Variants in RASGRP3 observed in about 807,000 individuals in gnomAD.
RASGRP3 encodes RAS guanyl releasing protein 3.
In RASGRP3, 54 loss-of-function variants were observed where a neutral mutation model predicts 82.7. That is an observed-to-expected ratio of 0.65 (90% CI 0.52 to 0.82). The LOEUF is 0.82. Among genes scored for constraint, RASGRP3 ranks in the 40% least tolerant of loss-of-function variants. RASGRP3 has a pLI of 0.00. For synonymous variants in RASGRP3, 309 were observed against 300.5 expected (o/e 1.03, Z -0.29); for missense variants, 861 against 828.9 (o/e 1.04, Z -0.48).
At chr2:33,506,415 T>C (rs1323420312) in intron 1 of RASGRP3, among the ~76,000 whole-genome samples, 1 of 152,230 alleles carries the variant, frequency 6.6e-6, no homozygotes, top group Non-Finnish European at 1.5e-5. Context: ...CTCAATTTCC[T>C]TATCCATGAA....
chr2:33,436,851 A>C (rs1664949525), intron 1 of RASGRP3, among the ~76,000 whole-genome samples: 1 of 152,200 alleles, frequency 6.6e-6, no homozygotes, highest in African/African-American at 2.4e-5. Flanking sequence ...TCAGGGGTTT[A>C]GATAGTATAA....
In RASGRP3 at chr2:33,524,294, A is replaced by G. The variant is rs187598793; in HGVS notation, c.691-138A>G. 149 of 725,618 alleles carry G rather than the reference A, an allele frequency of 2.1e-4. No individual in the cohort carries two copies. The African/African-American group carries it at 2.4e-3, about 12-fold the overall frequency. The allele number at this position is 725,618 out of a possible 1,614,324, so 44.9% of individuals were successfully genotyped here. A position where few individuals can be genotyped will look rare whatever the true frequency, so the allele number is the denominator to read the frequency against. ...ATAATAGATATATTTCTCTGATTCT[A>G]TTTGTGCTTCATTTTAAATTGATGT... On this transcript the variant is annotated intron_variant, in intron 8 of 17. Transcript: ENST00000403687.
chr2:33,559,761 T>C (rs1240202446), intron 17 of RASGRP3: 2 of 415,290 alleles, frequency 4.8e-6, no homozygotes, highest in Non-Finnish European at 9.7e-6. Context: ...TGTCGAATTG[T>C]TCTCATAAAC....
At chr2:33,520,334 A>G (rs1204167724) in intron 5 of RASGRP3, among the ~76,000 whole-genome samples, 1 of 152,142 alleles carries the variant, frequency 6.6e-6, no homozygotes, top group African/African-American at 2.4e-5. Context: ...TCTCAACTGA[A>G]AGAGAGGCTA....
Position 33,527,173 on chromosome 2 carries a change from G to T in RASGRP3, c.844G>T (p.Gly282Cys). 5 of 1,613,978 alleles carry T rather than the reference G, an allele frequency of 3.1e-6. No individual in the cohort carries two copies. Among genetic ancestry groups the T allele is most frequent in the Non-Finnish European group, 4.2e-6 (5 of 1,179,894 alleles). ...NEMTELVSSN[G>C]NYCNYRKAFA... is the part of the protein sequence containing the mutation. ...AATGACAGAGTTGGTCTCCTCCAAC[G>T]GCAATTACTGCAATTACCGCAAGGC... The change falls in exon 10 of 18, where the codon GGC becomes TGC. Residue 282 changes from glycine (G) to cysteine (C), a missense_variant. Gly to Cys is a radical substitution (Grantham distance 159). Transcript: ENST00000403687.
intron 7 of RASGRP3, 59 bp from the exon 8 acceptor site, chr2:33,523,820 A>G: frequency 7.0e-7 from 1 of 1,438,470 alleles, no homozygotes; most frequent in Non-Finnish European, 9.4e-7. Flanking sequence ...CAATATTCTA[A>G]TTTTTGATTT....
rs116809961 is a variant in RASGRP3, at chr2:33,526,220, A to G, written c.808-917A>G. On this transcript the variant is annotated intron_variant, in intron 9 of 17. Coordinates refer to ENST00000403687, the MANE Select transcript of RASGRP3 (RefSeq NM_001139488.2). Reference sequence around the variant, plus strand: ...CTAGAAGGATGCAATTACTCTGATGATAAATCAAAACCCATTCCTGGTTCT... The same window carrying G: ...CTAGAAGGATGCAATTACTCTGATGGTAAATCAAAACCCATTCCTGGTTCT... Among the ~76,000 whole-genome samples, 1,515 of 152,342 alleles carry G rather than the reference A, an allele frequency of 9.9e-3. 5 individuals are homozygous for G. Among genetic ancestry groups the G allele is most frequent in the Middle Eastern group, 0.017 (5 of 294 alleles).
At chr2:33,508,579 G>C (rs1226581278) in intron 1 of RASGRP3, among the ~76,000 whole-genome samples, 1 of 152,174 alleles carries the variant, frequency 6.6e-6, no homozygotes, top group Admixed American at 6.5e-5. Flanking sequence ...GGAAGTTTCT[G>C]TCTGGCAACT....
chr2:33,521,235 C>G (rs566025885), intron 6 of RASGRP3, among the ~76,000 whole-genome samples: 6 of 152,270 alleles, frequency 3.9e-5, no homozygotes, highest in African/African-American at 1.4e-4. Context: ...ATAGATGTGC[C>G]AGGAGCTGGT....
chr2:33,487,071 T>C (rs1460400049), intron 1 of RASGRP3, among the ~76,000 whole-genome samples: 2 of 152,220 alleles, frequency 1.3e-5, no homozygotes, highest in Non-Finnish European at 2.9e-5. Flanking sequence ...TCCCTACCGA[T>C]GTTCTCCCCT....
chr2:33,457,330 G>C (rs937181202), intron 2 of RASGRP3, among the ~76,000 whole-genome samples: 2 of 151,668 alleles, frequency 1.3e-5, no homozygotes, highest in Non-Finnish European at 2.9e-5. Flanking sequence ...TTTCTTCAAA[G>C]TGGATATATG....
intron 10 of RASGRP3, chr2:33,530,751 T>G (rs1183475685): frequency 6.6e-6 from 1 of 152,196 alleles, no homozygotes; most frequent in East Asian, 1.9e-4. Flanking sequence ...GGGGCTATGT[T>G]TGTCATTTTT....
chr2:33,527,081 G>T (rs959640519), intron 9 of RASGRP3, 56 bp from the exon 10 acceptor site: 2 of 1,579,112 alleles, frequency 1.3e-6, no homozygotes, highest in Admixed American at 1.7e-5. Context: ...TGCAGGGCCC[G>T]GGGGTGTGCA....
chr2:33,502,862 C>T (rs898690166), intron 1 of RASGRP3, among the ~76,000 whole-genome samples: 2 of 152,108 alleles, frequency 1.3e-5, no homozygotes, highest in Admixed American at 6.6e-5. Context: ...AGCTTCTTCT[C>T]CCTCTTTCTT....
chr2:33,490,610 C>A (rs72804231), intron 1 of RASGRP3, among the ~76,000 whole-genome samples: 2 of 152,142 alleles, frequency 1.3e-5, no homozygotes, highest in East Asian at 3.8e-4. Flanking sequence ...TTTGCTGCTC[C>A]TCCTCCCCTC....
chr2:33,445,212 A>G (rs1284584189), intron 1 of RASGRP3, among the ~76,000 whole-genome samples: 1 of 152,226 alleles, frequency 6.6e-6, no homozygotes, highest in Non-Finnish European at 1.5e-5. Context: ...CAAAAATAGA[A>G]CTGGTGGAAG....
intron 1 of RASGRP3, among the ~76,000 whole-genome samples, chr2:33,505,327 A>C (rs1306649177): frequency 1.2e-4 from 16 of 137,088 alleles, no homozygotes; most frequent in Admixed American, 9.6e-4. Flanking sequence ...TTTGAGATGG[A>C]GTTTTGCTCT....
intron 1 of RASGRP3, among the ~76,000 whole-genome samples, chr2:33,483,611 C>G (rs548320967): frequency 6.6e-6 from 1 of 151,614 alleles, no homozygotes; most frequent in African/African-American, 2.4e-5. Context: ...GCCTCAGCCT[C>G]CTGAGTAGCT....
At chr2:33,469,029 GT>G (rs897482276) in intron 2 of RASGRP3, among the ~76,000 whole-genome samples, 6 of 105,348 alleles carry the variant, frequency 5.7e-5, no homozygotes, top group African/African-American at 1.8e-4. Context: ...GAGAATTTTC[GT>G]TTTTTCATCT....
Sources: allele counts gnomAD v4.1 joint callset (sites outside exome capture counted in the v4.1 genomes callset), GRCh38; gene constraint gnomAD v4.1.1; transcripts MANE v1.5; gene names NCBI Gene and HGNC (gene_info 2026-07-23, HGNC 2026-07-21).